ZHX2: variants seen among roughly 807,000 people sequenced by gnomAD.
ZHX2 encodes zinc fingers and homeoboxes 2, also known as zinc fingers and homeoboxes protein 2.
ZHX2 carries 6 observed loss-of-function variants against 21.9 expected under a neutral mutation model. That is an observed-to-expected ratio of 0.27 (90% CI 0.15 to 0.54). ZHX2 has a LOEUF of 0.54. Ranked by LOEUF, ZHX2 falls within the 20% of genes least tolerant of loss-of-function variation. The probability of loss-of-function intolerance (pLI) is 0.95; values close to 1 mark genes in which losing one functional copy is unlikely to be tolerated. For missense variants in ZHX2, 908 were observed against 1,090.7 expected, an observed-to-expected ratio of 0.83 and a Z score of 2.36; for synonymous variants, 434 against 437.1, an observed-to-expected ratio of 0.99 and a Z score of 0.09.
intron 3 of ZHX2, among the ~76,000 whole-genome samples, chr8:122,960,609 C>T (rs1813417837): frequency 6.6e-6 from 1 of 152,066 alleles, no homozygotes; most frequent in Non-Finnish European, 1.5e-5. Context: ...GTTAGACCAA[C>T]ATGCAGGAGC....
intron 2 of ZHX2, among the ~76,000 whole-genome samples, chr8:122,899,377 C>A (rs925836058): frequency 1.3e-4 from 20 of 152,140 alleles, no homozygotes; most frequent in African/African-American, 3.6e-4. Flanking sequence ...GCTTTGTTCT[C>A]AACACAGATC....
chr8:122,938,850 A>C (rs1812770295), intron 2 of ZHX2, among the ~76,000 whole-genome samples: 1 of 152,100 alleles, frequency 6.6e-6, no homozygotes, highest in Non-Finnish European at 1.5e-5. Flanking sequence ...AAAAAGAAAA[A>C]GAAGGAGAAG....
intron 2 of ZHX2, among the ~76,000 whole-genome samples, chr8:122,937,526 C>T (rs1812727285): frequency 1.3e-5 from 2 of 152,096 alleles, no homozygotes; most frequent in Admixed American, 1.3e-4. Flanking sequence ...GCCAAGTTCT[C>T]CTGGTGGGGA....
intron 2 of ZHX2, among the ~76,000 whole-genome samples, chr8:122,912,663 C>G (rs1291879835): frequency 1.3e-5 from 2 of 152,244 alleles, no homozygotes; most frequent in Non-Finnish European, 1.5e-5. Flanking sequence ...ATTTTAATCT[C>G]CATTTTACAG....
At chr8:122,801,856 T>A (rs149673818) in intron 1 of ZHX2, among the ~76,000 whole-genome samples, 5 of 152,200 alleles carry the variant, frequency 3.3e-5, no homozygotes, top group African/African-American at 1.2e-4. Context: ...CACTCTGGCT[T>A]TCTGTTTGGA....
intron 2 of ZHX2, among the ~76,000 whole-genome samples, chr8:122,903,579 A>G (rs1180471181): frequency 6.6e-6 from 1 of 152,192 alleles, no homozygotes; most frequent in Admixed American, 6.5e-5. Context: ...CTACAAATGA[A>G]AGGGACCTCT....
intron 2 of ZHX2, among the ~76,000 whole-genome samples, chr8:122,917,102 A>T (rs1376758021): frequency 6.6e-6 from 1 of 152,022 alleles, no homozygotes; most frequent in Non-Finnish European, 1.5e-5. Context: ...TGTTATAATT[A>T]TGACCTGCGT....
In ZHX2 at chr8:122,951,479, C is replaced by CA. The variant is rs1288908376; in HGVS notation, c.-27dup. 1.3e-6 allele frequency: 2 copies of CA among 1,578,386 alleles called. No homozygotes were observed. Among genetic ancestry groups the CA allele is most frequent in the Admixed American group, 3.6e-5 (2 of 55,992 alleles). The stretch of plus-strand genomic sequence containing the variant: ...TCACCGCCCCCTCCTTATCCCCCTC[C>CA]AAAAATAAGCCATTGCACACAGACA... On this transcript the variant is annotated 5_prime_UTR_variant, in exon 3 of 4. Coordinates refer to ENST00000314393, the MANE Select transcript of ZHX2 (RefSeq NM_014943.5).
chr8:122,948,317 G>A (rs531185193), intron 2 of ZHX2, among the ~76,000 whole-genome samples: 52 of 152,186 alleles, frequency 3.4e-4, no homozygotes, highest in Admixed American at 2.3e-3. Flanking sequence ...CCTGGAAGTC[G>A]GGGATCTTTG....
intron 1 of ZHX2, among the ~76,000 whole-genome samples, chr8:122,784,513 G>A (rs1289418805): frequency 6.6e-6 from 1 of 152,180 alleles, no homozygotes; most frequent in African/African-American, 2.4e-5. Context: ...AAAAAGTAAA[G>A]GGTCAGGTCC....
At chr8:122,797,946 GATTA>G (rs1817644327) in intron 1 of ZHX2, among the ~76,000 whole-genome samples, 1 of 152,222 alleles carries the variant, frequency 6.6e-6, no homozygotes, top group Admixed American at 6.5e-5. Flanking sequence ...GAACTGCACA[GATTA>G]ATTAATCTGT....
rs751107443 is a variant in ZHX2, at chr8:122,952,334, C to T, written c.824C>T (p.Ala275Val). Residue 275 changes from alanine to valine, a missense_variant, in exon 3 of 4, where the codon GCC (alanine) becomes GTC (valine). Transcript: ENST00000314393. The surrounding 1 kb of genome is among the most constrained non-coding windows in gnomAD (Gnocchi z 6.9). ...TKYNSALDTN[A>V]TMINSFNKFP... ...TACAACTCTGCCCTGGATACAAATG[C>T]CACGATGATCAACTCTTTCAACAAG... The T allele has an allele frequency of 5.6e-6, 9 of 1,614,154 alleles. No homozygotes were observed. Among genetic ancestry groups the T allele is most frequent in the Non-Finnish European group, 7.6e-6 (9 of 1,180,024 alleles).
intron 2 of ZHX2, among the ~76,000 whole-genome samples, chr8:122,868,511 CA>C (rs1013077347): frequency 1.2e-4 from 18 of 151,822 alleles, no homozygotes; most frequent in African/African-American, 4.4e-4. Context: ...AATAGCCAGA[CA>C]AACACGGTGA....
At chr8:122,809,838 G>A (rs1304311579) in intron 1 of ZHX2, among the ~76,000 whole-genome samples, 1 of 152,122 alleles carries the variant, frequency 6.6e-6, no homozygotes, top group Non-Finnish European at 1.5e-5. Flanking sequence ...GATTATCATT[G>A]TATCTATATC....
At chr8:122,862,802 G>T (rs1346554905) in intron 1 of ZHX2, among the ~76,000 whole-genome samples, 1 of 152,238 alleles carries the variant, frequency 6.6e-6, no homozygotes, top group Non-Finnish European at 1.5e-5. Flanking sequence ...CTCCGCGGCA[G>T]CTCCCTGGCT....
At chr8:122,935,143 T>C (rs1812648504) in intron 2 of ZHX2, among the ~76,000 whole-genome samples, 2 of 151,756 alleles carry the variant, frequency 1.3e-5, no homozygotes, top group Admixed American at 6.5e-5. Flanking sequence ...TGACTTTTTT[T>C]CCTCTCTCTG....
chr8:122,847,253 C>T (rs923769303), intron 1 of ZHX2, among the ~76,000 whole-genome samples: 1 of 152,180 alleles, frequency 6.6e-6, no homozygotes, highest in African/African-American at 2.4e-5. Flanking sequence ...TCTCCCCCAG[C>T]CAGAAATCTC....
chr8:122,925,598 C>T (rs1563586801), intron 2 of ZHX2, among the ~76,000 whole-genome samples: 1 of 152,150 alleles, frequency 6.6e-6, no homozygotes, highest in Admixed American at 6.5e-5. Context: ...ATAAGCAAGG[C>T]TTTGAAGATA....
chr8:122,942,164 T>C (rs1340796353), intron 2 of ZHX2, among the ~76,000 whole-genome samples: 1 of 151,586 alleles, frequency 6.6e-6, no homozygotes, highest in Non-Finnish European at 1.5e-5. Context: ...CCTCCTGCCC[T>C]GCCCCCACCC....
Sources: gnomAD v4.1 joint callset for allele counts (sites outside exome capture counted in the v4.1 genomes callset) on GRCh38, gnomAD v4.1.1 for gene constraint, Gnocchi (gnomAD v3.1) non-coding constraint, MANE v1.5 for transcripts, NCBI Gene and HGNC (gene_info 2026-07-23, HGNC 2026-07-21) for gene names.